The following GRID1 variants were observed in gnomAD, a reference collection of about 807,000 sequenced individuals.
GRID1 encodes the protein glutamate ionotropic receptor delta type subunit 1, also known as glutamate receptor ionotropic, delta-1.
GRID1 carries 28 observed loss-of-function variants against 98.0 expected under a neutral mutation model. The observed-to-expected ratio is 0.29, with a 90% confidence interval of 0.21 to 0.39. GRID1 has a LOEUF of 0.39. Ranked by LOEUF, GRID1 falls within the 10% of genes least tolerant of loss-of-function variation. GRID1 has a pLI of 1.00. For synonymous variants in GRID1, 553 were observed against 538.5 expected (o/e 1.03, Z -0.37); for missense variants, 1,111 against 1,340.5 (o/e 0.83, Z 2.67).
chr10:85,878,882 C>A (rs1321465587), intron 5 of GRID1, among the ~76,000 whole-genome samples: 1 of 151,822 alleles, frequency 6.6e-6, no homozygotes, highest in Admixed American at 6.6e-5. Flanking sequence ...ACCCATCTCA[C>A]GTGCAGAGAC....
chr10:85,800,247 G>A (rs567379077), intron 8 of GRID1, among the ~76,000 whole-genome samples: 1 of 151,476 alleles, frequency 6.6e-6, no homozygotes, highest in African/African-American at 2.4e-5. Flanking sequence ...CAAAATTATA[G>A]AAGATGTGAA....
intron 4 of GRID1, among the ~76,000 whole-genome samples, chr10:86,044,688 T>C (rs1843396761): frequency 6.6e-6 from 1 of 152,214 alleles, no homozygotes; most frequent in African/African-American, 2.4e-5. Flanking sequence ...AACCATAGTA[T>C]GTGGCAGGGG....
At chr10:86,287,235 T>C (rs115506873) in intron 2 of GRID1, among the ~76,000 whole-genome samples, 2,486 of 152,258 alleles carry the variant, frequency 0.016, 62 homozygotes, top group African/African-American at 0.055. Context: ...ATGAGAAGCC[T>C]GAACTGCAGT....
chr10:85,935,197 T>C (rs368932485), intron 4 of GRID1, among the ~76,000 whole-genome samples: 15 of 152,264 alleles, frequency 9.9e-5, no homozygotes, highest in African/African-American at 3.6e-4. Flanking sequence ...GATGTTTCCT[T>C]ATTCACCCAA....
intron 3 of GRID1, among the ~76,000 whole-genome samples, chr10:86,182,198 TC>T (rs1288910814): frequency 1.3e-5 from 2 of 152,200 alleles, no homozygotes; most frequent in East Asian, 3.9e-4. Context: ...TGCGGGTGCT[TC>T]CCCGTAGCCT....
chr10:85,883,042 G>A (rs756110107), intron 5 of GRID1, among the ~76,000 whole-genome samples: 22 of 151,802 alleles, frequency 1.4e-4, no homozygotes, highest in Admixed American at 2.6e-4. Flanking sequence ...GTCATATTTC[G>A]TTTTAGAAGT....
At chr10:86,009,471 G>A (rs913278762) in intron 4 of GRID1, among the ~76,000 whole-genome samples, 2 of 152,192 alleles carry the variant, frequency 1.3e-5, no homozygotes, top group African/African-American at 4.8e-5. Context: ...ATTTGGGAAG[G>A]AAATGGCTTC....
chr10:86,184,478 T>TG (rs56967429), intron 3 of GRID1, among the ~76,000 whole-genome samples: 6 of 149,312 alleles, frequency 4.0e-5, no homozygotes, highest in African/African-American at 1.5e-4. Flanking sequence ...TTTTTTTTTT[T>TG]GCATACAGAA....
Position 85,599,802 on chromosome 10 carries a change from A to AAAAATATATAT in GRID1, c.*2470_*2471insATATATATTTT. ...GTAGAAAATTCTAAAAAAAAAAAAAAATATATATATATATATATAAACATG... is the reference window on the plus strand; with the variant it reads ...GTAGAAAATTCTAAAAAAAAAAAAAAAAAATATATATATATATATATATATATATAAACATG... On this transcript the variant is annotated 3_prime_UTR_variant, in exon 16 of 16. Transcript: ENST00000327946. The AAAAATATATAT allele has an allele frequency of 2.9e-4, 19 of 64,962 alleles. 1 individual carries two copies. The highest frequency in any genetic ancestry group is 9.3e-4 in the African/African-American group (10 of 10,726). 4.0% of individuals were successfully genotyped at this position (64,962 alleles called of 1,614,324 possible).
chr10:86,365,309 G>A lies in GRID1; in HGVS notation c.79+1005C>T, dbSNP rs1454235463. Among the ~76,000 whole-genome samples, 2 of 143,236 alleles carry A rather than the reference G, an allele frequency of 1.4e-5. No homozygotes were observed. The highest frequency in any genetic ancestry group is 3.0e-5 in the Non-Finnish European group (2 of 66,828). The allele number at this position is 143,236 out of a possible 152,430, so 94.0% of individuals were successfully genotyped here. A position where few individuals can be genotyped will look rare whatever the true frequency, so the allele number is the denominator to read the frequency against. On this transcript the variant is annotated intron_variant, in intron 1 of 15. Transcript: ENST00000327946. This position sits in a 1 kb window ranked among gnomAD's most constrained non-coding sequence, Gnocchi z 4.8. Reference sequence around the variant, plus strand: ...ACCTCCCAACCCCCAGTTTCCCTGTGCTCGCTGGTCTTTCCCAACTTCCGG... The same window carrying A: ...ACCTCCCAACCCCCAGTTTCCCTGTACTCGCTGGTCTTTCCCAACTTCCGG...
At chr10:86,232,288 G>A (rs1276142953) in intron 2 of GRID1, among the ~76,000 whole-genome samples, 1 of 152,216 alleles carries the variant, frequency 6.6e-6, no homozygotes, top group Non-Finnish European at 1.5e-5. Context: ...GCTCTGGAAT[G>A]CCGCTCCCGC....
At chr10:85,751,890 T>G (rs1842049303) in intron 8 of GRID1, among the ~76,000 whole-genome samples, 1 of 152,182 alleles carries the variant, frequency 6.6e-6, no homozygotes, top group Non-Finnish European at 1.5e-5. Context: ...AAAGTGAAAT[T>G]TTAAATAATT....
At chr10:86,351,486 C>T (rs558214590) in intron 2 of GRID1, among the ~76,000 whole-genome samples, 3 of 152,274 alleles carry the variant, frequency 2.0e-5, no homozygotes, top group South Asian at 4.1e-4. Context: ...GTGGCTGGGG[C>T]TGGGAAAGAC....
intron 4 of GRID1, among the ~76,000 whole-genome samples, chr10:86,047,138 T>C (rs1262944359): frequency 6.6e-6 from 1 of 152,224 alleles, no homozygotes; most frequent in Non-Finnish European, 1.5e-5. Context: ...AAGTCTCACC[T>C]TCAATGACTG....
At chr10:86,064,815 C>A (rs991755059) in intron 4 of GRID1, among the ~76,000 whole-genome samples, 8 of 152,214 alleles carry the variant, frequency 5.3e-5, no homozygotes, top group Admixed American at 5.2e-4. Flanking sequence ...CTTTCCCTCC[C>A]CAGCTGCCTG....
At chr10:85,760,305 A>C (rs995998157) in intron 8 of GRID1, among the ~76,000 whole-genome samples, 4 of 152,236 alleles carry the variant, frequency 2.6e-5, no homozygotes, top group African/African-American at 7.2e-5. Context: ...GCAAGAACTC[A>C]GTAGATTTTA....
intron 8 of GRID1, among the ~76,000 whole-genome samples, chr10:85,748,374 G>A (rs1370991181): frequency 6.6e-6 from 1 of 152,132 alleles, no homozygotes; most frequent in Non-Finnish European, 1.5e-5. Context: ...ATGTTTCACT[G>A]TCATCCCCTG....
intron 4 of GRID1, among the ~76,000 whole-genome samples, chr10:86,133,435 G>A (rs1844869167): frequency 6.6e-6 from 1 of 152,214 alleles, no homozygotes; most frequent in Admixed American, 6.5e-5. Flanking sequence ...CCACTGCCAT[G>A]TGCCACAGCT....
chr10:85,925,067 A>G (rs1035817175), intron 4 of GRID1, among the ~76,000 whole-genome samples: 23 of 152,250 alleles, frequency 1.5e-4, no homozygotes, highest in Non-Finnish European at 3.1e-4. Context: ...GAGCCTGCTC[A>G]CAGGCACGAT....
Sources: gnomAD v4.1 joint callset for allele counts (sites outside exome capture counted in the v4.1 genomes callset) on GRCh38, gnomAD v4.1.1 for gene constraint, Gnocchi (gnomAD v3.1) non-coding constraint, MANE v1.5 for transcripts, NCBI Gene and HGNC (gene_info 2026-07-23, HGNC 2026-07-21) for gene names.